DNAH10: variants seen among roughly 807,000 people sequenced by gnomAD.
DNAH10 encodes the protein axonemal beta dynein heavy chain 10.
Under a neutral mutation model 506.6 loss-of-function variants are expected in DNAH10, and 348 were observed. The observed-to-expected ratio is 0.69, with a 90% CI of 0.63 to 0.75. The LOEUF (loss-of-function observed/expected upper bound fraction) is 0.75. Among genes scored for constraint, DNAH10 ranks in the 30% least tolerant of loss-of-function variants. The probability of loss-of-function intolerance (pLI) is 0.00; values close to 1 mark genes in which losing one functional copy is unlikely to be tolerated. For missense variants in DNAH10, 5,179 were observed against 5,787.1 expected, an observed-to-expected ratio of 0.89 and a Z score of 3.41; for synonymous variants, 2,059 against 2,198.6, an observed-to-expected ratio of 0.94 and a Z score of 1.78.
At chr12:123,783,024 G>C (rs186584356) in intron 6 of DNAH10, 83 bp from the exon 7 acceptor site, 236 of 1,386,638 alleles carry the variant, frequency 1.7e-4, no homozygotes, top group Admixed American at 1.4e-3. Context: ...CTTGAGAGAC[G>C]ACCCAGCCGG....
intron 24 of DNAH10, among the ~76,000 whole-genome samples, chr12:123,821,851 T>G (rs1485033918): frequency 6.6e-6 from 1 of 152,014 alleles, no homozygotes; most frequent in Non-Finnish European, 1.5e-5. Flanking sequence ...GGCAGATTAC[T>G]TGAGGCCAGG....
At position 123,925,285 on chromosome 12, in the gene DNAH10, C is replaced by A; in HGVS notation, c.11921+81C>A. The A allele has an allele frequency of 6.3e-7, 1 of 1,590,118 alleles. No homozygotes were observed. Among genetic ancestry groups the A allele is most frequent in the Non-Finnish European group, 8.6e-7 (1 of 1,163,444 alleles). On this transcript the variant is annotated intron_variant, in intron 68 of 78. Coordinates refer to ENST00000673944, the MANE Select transcript of DNAH10 (RefSeq NM_001372106.1). The surrounding 1 kb of genome is among the most constrained non-coding windows in gnomAD (Gnocchi z 4.0). ...CCTCCCACCTTGGACTCAAAGAAAG[C>A]AGAGGCTGACCAGCTCCCGAGACAG...
chr12:123,930,273 A>G, intron 72 of DNAH10, 129 bp from the exon 73 acceptor site: 1 of 840,970 alleles, frequency 1.2e-6, no homozygotes, highest in Non-Finnish European at 1.7e-6. Context: ...GCAAGTCAAC[A>G]GGTTCAAGCC....
chr12:123,917,857 C>T lies in DNAH10; in HGVS notation c.11232+44C>T. The T allele has an allele frequency of 6.5e-7, 1 of 1,536,626 alleles. No homozygotes were observed. Among genetic ancestry groups the T allele is most frequent in the Non-Finnish European group, 8.8e-7 (1 of 1,134,418 alleles). Reference sequence around the variant, plus strand: ...GAGGCCGTGAGTCAGGCGGGGCCTGCATGCGCCGTTGGAGCGTCCATTTCT... The same window carrying T: ...GAGGCCGTGAGTCAGGCGGGGCCTGTATGCGCCGTTGGAGCGTCCATTTCT... On this transcript the variant is annotated intron_variant, in intron 64 of 78. Coordinates refer to ENST00000673944, the MANE Select transcript of DNAH10 (RefSeq NM_001372106.1). This position sits in a 1 kb window ranked among gnomAD's most constrained non-coding sequence, Gnocchi z 5.6.
rs2136754733 is a variant in DNAH10 at position 123,853,565 on chromosome 12, CT to C, written c.6438+215del. On this transcript the variant is annotated intron_variant, in intron 36 of 78. Transcript: ENST00000673944. The surrounding 1 kb of genome is among the most constrained non-coding windows in gnomAD (Gnocchi z 4.7). ...AGTACCTTAAGGTCAAGTGCAATGTCTTCGCTCCAATAGCAACATTTATGAT... is the reference window on the plus strand; with the variant it reads ...AGTACCTTAAGGTCAAGTGCAATGTCTCGCTCCAATAGCAACATTTATGAT... Among the ~76,000 whole-genome samples, 1 of 152,258 alleles carries C rather than the reference CT, an allele frequency of 6.6e-6. No individual in the cohort carries two copies. Among genetic ancestry groups the C allele is most frequent in the East Asian group, 1.9e-4 (1 of 5,188 alleles).
chr12:123,812,233 C>T (rs1284348267), intron 19 of DNAH10, among the ~76,000 whole-genome samples: 1 of 152,144 alleles, frequency 6.6e-6, no homozygotes, highest in Non-Finnish European at 1.5e-5. Context: ...GGGCGGATCA[C>T]GAGGTCAGGA....
chr12:123,865,426 C>T (rs1308246214), intron 40 of DNAH10, among the ~76,000 whole-genome samples: 1 of 152,102 alleles, frequency 6.6e-6, no homozygotes, highest in Non-Finnish European at 1.5e-5. Context: ...AATGCCATTT[C>T]TAACTGTAAA....
At position 123,902,924 on chromosome 12, in the gene DNAH10, T is replaced by C. The variant is rs377189829; in HGVS notation, c.9641-15T>C. On this transcript the variant is annotated splice_polypyrimidine_tract_variant and intron_variant, in intron 56 of 78. Transcript: ENST00000673944. The surrounding 1 kb of genome is among the most constrained non-coding windows in gnomAD (Gnocchi z 4.5). ...CTGAGCCCAAGCTTTACTCACCCCC[T>C]GTCCTACCCTGCAGCCGAGGAGAAG... The C allele has an allele frequency of 7.0e-6, 11 of 1,570,036 alleles. No individual in the cohort carries two copies. The African/African-American group carries it at 1.2e-4, about 17-fold the overall frequency.
intron 64 of DNAH10, among the ~76,000 whole-genome samples, chr12:123,918,337 C>T (rs1477859795): frequency 6.6e-6 from 1 of 152,238 alleles, no homozygotes; most frequent in African/African-American, 2.4e-5. Flanking sequence ...TACCCCAAAG[C>T]AGCCCTGGGA....
Position 123,932,011 on chromosome 12 carries a change from T to C in DNAH10, c.13199T>C (p.Ile4400Thr). 1 of 1,614,034 alleles carries C rather than the reference T, an allele frequency of 6.2e-7. No homozygotes were observed. The highest frequency in any genetic ancestry group is 8.5e-7 in the Non-Finnish European group (1 of 1,179,900). The change falls in exon 76 of 79, where the codon ATC becomes ACC. Residue 4400 changes from isoleucine to threonine, a missense_variant. Ile to Thr is a moderately conservative substitution (Grantham distance 89, BLOSUM62 -1). Coordinates refer to ENST00000673944, the MANE Select transcript of DNAH10 (RefSeq NM_001372106.1). ...GCCAGGTCTCTTTTTATCGGGCATA[T>C]CCCTAATATCTGGAGAAGGCTTGCT... ...DVARSLFIGH[I>T]PNIWRRLAPD...
intron 57 of DNAH10, among the ~76,000 whole-genome samples, chr12:123,904,118 T>G (rs1025278169): frequency 6.6e-6 from 1 of 152,192 alleles, no homozygotes; most frequent in African/African-American, 2.4e-5. Flanking sequence ...AATTTGAGCA[T>G]GGAATTCAGC....
In DNAH10 at chr12:123,870,473, A is replaced by T; in HGVS notation, c.7627A>T (p.Ile2543Phe). Residue 2543 changes from isoleucine (I) to phenylalanine (F), a missense_variant, in exon 44 of 79, where the codon ATC (isoleucine) becomes TTC (phenylalanine). Physicochemically the swap from Ile to Phe is conservative, Grantham distance 21. Around this residue, in one of 3 missense-constraint regions of DNAH10, gnomAD observed 4,844 missense variants for 5,430.5 expected, o/e 0.89. Coordinates refer to ENST00000673944, the MANE Select transcript of DNAH10 (RefSeq NM_001372106.1). Reference sequence around the variant, plus strand: ...TATTCATGCCCCCGAGAGGAAATTCATCAACATCCTGGGTAAGTCAGAGTC... The same window carrying T: ...TATTCATGCCCCCGAGAGGAAATTCTTCAACATCCTGGGTAAGTCAGAGTC... Reference protein sequence around the residue: ...EYIHAPERKFINILVHTVDTT... With the variant: ...EYIHAPERKFFNILVHTVDTT... 6.2e-7 allele frequency: 1 copy of T among 1,613,668 alleles called. No homozygotes were observed. The highest frequency in any genetic ancestry group is 1.1e-5 in the South Asian group (1 of 90,968).
chr12:123,924,184 T>A (rs1356860411), intron 66 of DNAH10, 94 bp from the exon 67 acceptor site: 14 of 1,448,556 alleles, frequency 9.7e-6, no homozygotes, highest in Non-Finnish European at 1.3e-5. Context: ...TCTTGAAAAG[T>A]GGACTTTTCC....
intron 10 of DNAH10, 90 bp from the exon 11 acceptor site, chr12:123,789,837 G>A: frequency 8.2e-7 from 1 of 1,222,786 alleles, no homozygotes; most frequent in Non-Finnish European, 1.2e-6. Context: ...CTTGCCCCCA[G>A]GTCAGTCTCG....
In DNAH10 at chr12:123,819,033, T is replaced by A. The variant is rs753173625; in HGVS notation, c.3864T>A (p.His1288Gln). The change falls in exon 22 of 79, where the codon CAT (histidine) becomes CAA (glutamine). Residue 1288 changes from histidine (H) to glutamine (Q), a missense_variant. By Grantham distance (24) the His-to-Gln change is conservative. This residue lies in a region of DNAH10 where 4,844 missense variants were observed against 5,430.5 expected (regional missense o/e 0.89). Transcript: ENST00000673944. ...TTAATGATTCAGTGAATGTGGAGCATGCTCTTGGGGACATAAAGAGAACTT... is the reference window on the plus strand; with the variant it reads ...TTAATGATTCAGTGAATGTGGAGCAAGCTCTTGGGGACATAAAGAGAACTT... ...NLFNDSVNVE[H>Q]ALGDIKRTFT... 8 of 1,605,832 alleles carry A rather than the reference T, an allele frequency of 5.0e-6. No individual in the cohort carries two copies. Among genetic ancestry groups the A allele is most frequent in the Non-Finnish European group, 6.8e-6 (8 of 1,176,022 alleles).
chr12:123,776,868 G>T (rs1957460732), intron 5 of DNAH10, among the ~76,000 whole-genome samples: 1 of 152,096 alleles, frequency 6.6e-6, no homozygotes, highest in African/African-American at 2.4e-5. Flanking sequence ...TTTCATTCTA[G>T]ACAGGAAGAT....
Position 123,896,407 on chromosome 12 carries a change from G to A in DNAH10, c.9281-1363G>A, listed in dbSNP as rs1953246959. On this transcript the variant is annotated intron_variant, in intron 54 of 78. Coordinates refer to ENST00000673944, the MANE Select transcript of DNAH10 (RefSeq NM_001372106.1). ...TATGAGACATTCTCTGCTTTGAGCT[G>A]AATGCATTTAACAACCTATCAGATA... Among the ~76,000 whole-genome samples the A allele has an allele frequency of 2.0e-5, 3 of 152,108 alleles. No individual in the cohort carries two copies. In the South Asian group the frequency reaches 6.2e-4, roughly 32 times the overall value.
intron 29 of DNAH10, among the ~76,000 whole-genome samples, chr12:123,839,725 C>T (rs1333477853): frequency 2.1e-5 from 3 of 146,052 alleles, no homozygotes; most frequent in Admixed American, 6.9e-5. Flanking sequence ...TGCAGTGGCG[C>T]GATCTCCACT....
At chr12:123,908,621 T>A in intron 57 of DNAH10, 1 of 450,392 alleles carries the variant, frequency 2.2e-6, no homozygotes, top group Non-Finnish European at 4.5e-6. Context: ...TCCTGTTCCG[T>A]TGGCAGTTCT....
Sources: gnomAD v4.1 joint callset for allele counts (sites outside exome capture counted in the v4.1 genomes callset) on GRCh38, gnomAD v4.1.1 for gene constraint, gnomAD v4.1.1 regional missense constraint, Gnocchi (gnomAD v3.1) non-coding constraint, MANE v1.5 for transcripts, NCBI Gene and HGNC (gene_info 2026-07-23, HGNC 2026-07-21) for gene names.